The following RBFOX1 variants were observed in gnomAD, a reference collection of about 807,000 sequenced individuals.
The protein encoded by RBFOX1 is RNA binding protein fox-1 homolog 1.
Under a neutral mutation model 57.7 loss-of-function variants are expected in RBFOX1, and 8 were observed. The ratio of observed to expected loss-of-function variants is 0.14; its 90% confidence interval spans 0.08 to 0.25. The LOEUF (loss-of-function observed/expected upper bound fraction) is 0.25. Ranked by LOEUF, RBFOX1 falls within the 10% of genes least tolerant of loss-of-function variation. The probability of loss-of-function intolerance (pLI) is 1.00; values close to 1 mark genes in which losing one functional copy is unlikely to be tolerated. For synonymous variants in RBFOX1, 326 were observed against 222.4 expected (o/e 1.47, Z -4.15); for missense variants, 611 against 548.5 (o/e 1.11, Z -1.14).
chr16:6,524,213 C>G (rs1050385655), intron 2 of RBFOX1, among the ~76,000 whole-genome samples: 2 of 152,166 alleles, frequency 1.3e-5, no homozygotes, highest in South Asian at 4.1e-4. Context: ...ATTTTTATTT[C>G]TAGATCCCAC....
At chr16:7,392,523 T>C (rs2098050745) in intron 4 of RBFOX1, among the ~76,000 whole-genome samples, 1 of 152,158 alleles carries the variant, frequency 6.6e-6, no homozygotes, top group Non-Finnish European at 1.5e-5. Context: ...GGGAGATATT[T>C]AGGGTCAAGG....
chr16:5,600,437 G>C (rs111905056), downstream of RBFOX1, among the ~76,000 whole-genome samples: 4,866 of 144,568 alleles, frequency 0.034, 259 homozygotes, highest in African/African-American at 0.12. Flanking sequence ...AGTGAGCTAT[G>C]ATTATGCCAC....
intron 4 of RBFOX1, among the ~76,000 whole-genome samples, chr16:7,508,080 G>A (rs2073954552): frequency 6.6e-6 from 1 of 151,986 alleles, no homozygotes; most frequent in South Asian, 2.1e-4. Context: ...TCCACCTCCC[G>A]GGTTCAAGCG....
chr16:6,980,002 C>G (rs1003854620), intron 3 of RBFOX1, among the ~76,000 whole-genome samples: 14 of 152,042 alleles, frequency 9.2e-5, no homozygotes, highest in African/African-American at 2.7e-4. Flanking sequence ...GTTTCTCCTT[C>G]CCAGCCTTAA....
chr16:5,703,329 G>A (rs2051119487), intron 3 of RBFOX1, among the ~76,000 whole-genome samples: 1 of 152,182 alleles, frequency 6.6e-6, no homozygotes, highest in African/African-American at 2.4e-5. Context: ...ATAAGAATTG[G>A]CCATGCAAAG....
At chr16:6,199,409 T>C (rs2097201100) in intron 1 of RBFOX1, among the ~76,000 whole-genome samples, 1 of 152,186 alleles carries the variant, frequency 6.6e-6, no homozygotes, top group Non-Finnish European at 1.5e-5. Flanking sequence ...CCAAACTTAA[T>C]GGGAAGTTCA....
chr16:6,809,417 T>G (rs1480199078), intron 3 of RBFOX1, among the ~76,000 whole-genome samples: 1 of 152,188 alleles, frequency 6.6e-6, no homozygotes, highest in Non-Finnish European at 1.5e-5. Flanking sequence ...TTTTTAAAAT[T>G]TTTGTGGATA....
At chr16:6,503,893 G>A (rs2096013573) in intron 2 of RBFOX1, among the ~76,000 whole-genome samples, 1 of 152,112 alleles carries the variant, frequency 6.6e-6, no homozygotes, top group Non-Finnish European at 1.5e-5. Flanking sequence ...TGCACTGAAG[G>A]GAATAATGCT....
intron 14 of RBFOX1, among the ~76,000 whole-genome samples, chr16:7,705,633 A>G (rs1160064283): frequency 2.0e-5 from 3 of 152,216 alleles, no homozygotes; most frequent in Non-Finnish European, 2.9e-5. Context: ...TCAATGGAAA[A>G]CTATTGAAGG....
At chr16:6,980,512 T>C (rs34845996) in intron 3 of RBFOX1, among the ~76,000 whole-genome samples, 12,880 of 152,262 alleles carry the variant, frequency 0.085, 746 homozygotes, top group Middle Eastern at 0.23. Flanking sequence ...CCACTGGTTA[T>C]CCATGAACAG....
intron 4 of RBFOX1, among the ~76,000 whole-genome samples, chr16:7,254,920 C>G (rs1268844127): frequency 6.6e-6 from 1 of 152,092 alleles, no homozygotes; most frequent in Non-Finnish European, 1.5e-5. Flanking sequence ...TTTCTCTAGA[C>G]ATTTCAAATT....
At chr16:5,849,469 G>C (rs1297231314) in intron 3 of RBFOX1, among the ~76,000 whole-genome samples, 1 of 152,102 alleles carries the variant, frequency 6.6e-6, no homozygotes, top group Non-Finnish European at 1.5e-5. Flanking sequence ...CAGGCATCCA[G>C]TTTCTCCCAG....
intron 4 of RBFOX1, among the ~76,000 whole-genome samples, chr16:7,052,972 A>G (rs935736770): frequency 6.8e-6 from 1 of 146,748 alleles, no homozygotes; most frequent in Non-Finnish European, 1.5e-5. Flanking sequence ...TGCTGCTTTT[A>G]AAACCACAAC....
chr16:6,912,252 C>T (rs1036122350), intron 3 of RBFOX1, among the ~76,000 whole-genome samples: 32 of 152,282 alleles, frequency 2.1e-4, no homozygotes, highest in African/African-American at 7.7e-4. Flanking sequence ...GTCAGAAGCA[C>T]CTGCTGGCAT....
intron 2 of RBFOX1, among the ~76,000 whole-genome samples, chr16:6,522,738 T>A (rs1305244383): frequency 6.6e-6 from 1 of 152,142 alleles, no homozygotes; most frequent in Non-Finnish European, 1.5e-5. Context: ...GGAGACTGAA[T>A]TGTGTCTTCT....
chr16:6,544,576 C>T (rs896704565), intron 2 of RBFOX1, among the ~76,000 whole-genome samples: 7 of 152,132 alleles, frequency 4.6e-5, no homozygotes, highest in African/African-American at 1.2e-4. Context: ...AGCATTCGAT[C>T]GTATTGATTC....
At chr16:6,782,812 C>T (rs187352749) in intron 3 of RBFOX1, among the ~76,000 whole-genome samples, 25 of 152,260 alleles carry the variant, frequency 1.6e-4, no homozygotes, top group Admixed American at 1.6e-3. Context: ...TTGTCCAATG[C>T]TGAAAGTGGT....
At chr16:6,753,379 C>T (rs1044704804) in intron 3 of RBFOX1, among the ~76,000 whole-genome samples, 1 of 152,152 alleles carries the variant, frequency 6.6e-6, no homozygotes, top group Non-Finnish European at 1.5e-5. Context: ...GTCATATAGT[C>T]AACACATAGA....
chr16:7,266,638 C>G (rs1330307390), intron 4 of RBFOX1, among the ~76,000 whole-genome samples: 1 of 152,114 alleles, frequency 6.6e-6, no homozygotes, highest in African/African-American at 2.4e-5. Flanking sequence ...ATTTGGAGGG[C>G]ACACTTCACT....
Sources: allele counts gnomAD v4.1 joint callset (sites outside exome capture counted in the v4.1 genomes callset), GRCh38; gene constraint gnomAD v4.1.1; transcripts MANE v1.5; gene names NCBI Gene and HGNC (gene_info 2026-07-23, HGNC 2026-07-21).